Variants in BCAS3 observed in about 807,000 individuals in gnomAD.
BCAS3 encodes BCAS3 microtubule associated cell migration factor, also known as BCAS4/BCAS3 fusion.
In BCAS3, 53 loss-of-function variants were observed where a neutral mutation model predicts 116.1. That is an observed-to-expected ratio of 0.46 (90% confidence interval 0.37 to 0.57). The LOEUF (loss-of-function observed/expected upper bound fraction) is 0.57. BCAS3 is among the 20% of genes least tolerant of loss of function. The probability of loss-of-function intolerance (pLI) is 0.00; values close to 1 mark genes in which losing one functional copy is unlikely to be tolerated. For missense variants in BCAS3, 917 were observed against 1,165.4 expected (o/e 0.79, Z 3.10); for synonymous variants, 391 against 408.2 (o/e 0.96, Z 0.51).
chr17:61,069,493 T>C (rs923790240), intron 19 of BCAS3, among the ~76,000 whole-genome samples: 1 of 152,166 alleles, frequency 6.6e-6, no homozygotes, highest in African/African-American at 2.4e-5. Context: ...TTTGGGACTT[T>C]TAAAACAAAA....
Position 61,084,632 on chromosome 17 carries a change from T to C in BCAS3, c.2425+68T>C, listed in dbSNP as rs140152189. Reference sequence around the variant, plus strand: ...ATTTTTAACTAATTTTCTCGCACAATGTAGAGGATGACATTTATTTGCTTT... The same window carrying C: ...ATTTTTAACTAATTTTCTCGCACAACGTAGAGGATGACATTTATTTGCTTT... On this transcript the variant is annotated intron_variant, in intron 22 of 23. Coordinates refer to ENST00000407086, the MANE Select transcript of BCAS3 (RefSeq NM_017679.5). The surrounding 1 kb of genome is among the most constrained non-coding windows in gnomAD (Gnocchi z 5.5). 5.5e-4 allele frequency: 697 copies of C among 1,274,236 alleles called. 5 individuals carry two copies. In the African/African-American group the frequency reaches 9.0e-3, roughly 16 times the overall value. 78.9% of individuals were successfully genotyped at this position (1,274,236 alleles called of 1,614,324 possible). A position where few individuals can be genotyped will look rare whatever the true frequency, so the allele number is the denominator to read the frequency against.
Position 61,349,605 on chromosome 17 carries a change from G to C in BCAS3, c.2426-18722G>C, listed in dbSNP as rs2057710937. Reference sequence around the variant, plus strand: ...ATTTTGTGGAATAATGGACCTGACTGTAATCCAACATGTTTTTTAAAGCTA... The same window carrying C: ...ATTTTGTGGAATAATGGACCTGACTCTAATCCAACATGTTTTTTAAAGCTA... On this transcript the variant is annotated intron_variant, in intron 22 of 23. Transcript: ENST00000407086. The surrounding 1 kb of genome is among the most constrained non-coding windows in gnomAD (Gnocchi z 4.7). 6.6e-6 allele frequency among the ~76,000 whole-genome samples: 1 copy of C among 152,154 alleles called. No individual in the cohort carries two copies. The highest frequency in any genetic ancestry group is 6.5e-5 in the Admixed American group (1 of 15,268).
chr17:60,741,464 G>T (rs983532161), intron 5 of BCAS3, among the ~76,000 whole-genome samples: 5 of 152,180 alleles, frequency 3.3e-5, no homozygotes, highest in Non-Finnish European at 7.4e-5. Context: ...TATTCCAAGA[G>T]CTGCTTAATC....
intron 9 of BCAS3, among the ~76,000 whole-genome samples, chr17:60,889,058 G>C (rs1430755884): frequency 6.6e-6 from 1 of 152,192 alleles, no homozygotes; most frequent in African/African-American, 2.4e-5. Context: ...GTTGGAGGAA[G>C]ATAGAAAATA....
rs2064889418 is a variant in BCAS3, at chr17:61,008,688, CAAAAAATAAAAAATA to C, written c.1487-7049_1487-7035del. 6.7e-6 allele frequency among the ~76,000 whole-genome samples: 1 copy of C among 148,324 alleles called. No homozygotes were observed. The highest frequency in any genetic ancestry group is 2.2e-4 in the South Asian group (1 of 4,638). On this transcript the variant is annotated intron_variant, in intron 15 of 23. Transcript: ENST00000407086. This position sits in a 1 kb window ranked among gnomAD's most constrained non-coding sequence, Gnocchi z 4.6. ...TCTTCTGTAGAAGACAAAAGTTTACCAAAAAATAAAAAATAAAAAAATAAAAAAAAAGGCCCCGTA... is the reference window on the plus strand; with the variant it reads ...TCTTCTGTAGAAGACAAAAGTTTACCAAAAAATAAAAAAAAAGGCCCCGTA...
intron 10 of BCAS3, among the ~76,000 whole-genome samples, chr17:60,896,319 C>CAATA (rs1343547215): frequency 6.6e-6 from 1 of 152,142 alleles, no homozygotes; most frequent in Non-Finnish European, 1.5e-5. Context: ...GACTCAGTCT[C>CAATA]AATAAATAAA....
chr17:61,106,121 C>T lies in BCAS3; in HGVS notation c.2425+21557C>T, dbSNP rs546059935. 1.3e-5 allele frequency among the ~76,000 whole-genome samples: 2 copies of T among 152,232 alleles called. No homozygotes were observed. The highest frequency in any genetic ancestry group is 3.9e-4 in the East Asian group (2 of 5,180). Reference sequence around the variant, plus strand: ...CCCAAAGCACAAGGGTTGATGCTGGCATATTGTTATAATTGTTCTATTTTA... The same window carrying T: ...CCCAAAGCACAAGGGTTGATGCTGGTATATTGTTATAATTGTTCTATTTTA... On this transcript the variant is annotated intron_variant, in intron 22 of 23. Coordinates refer to ENST00000407086, the MANE Select transcript of BCAS3 (RefSeq NM_017679.5). This position sits in a 1 kb window ranked among gnomAD's most constrained non-coding sequence, Gnocchi z 4.2.
chr17:60,935,086 C>A (rs2059849519), intron 13 of BCAS3, among the ~76,000 whole-genome samples: 1 of 152,048 alleles, frequency 6.6e-6, no homozygotes. Context: ...ATTGTTTGAA[C>A]CCAGGAGGTA....
intron 20 of BCAS3, among the ~76,000 whole-genome samples, chr17:61,075,557 C>A (rs2071897083): frequency 6.6e-6 from 1 of 152,154 alleles, no homozygotes. Context: ...TCAAGCAATC[C>A]ACCCTTCTTG....
intron 22 of BCAS3, among the ~76,000 whole-genome samples, chr17:61,085,726 T>C (rs980346646): frequency 4.7e-4 from 72 of 152,174 alleles, no homozygotes; most frequent in Non-Finnish European, 1.8e-4. Context: ...CATGGAAATG[T>C]GTAGAGTCGC....
intron 7 of BCAS3, among the ~76,000 whole-genome samples, chr17:60,829,456 T>C (rs1163842082): frequency 6.7e-6 from 1 of 149,380 alleles, no homozygotes; most frequent in Non-Finnish European, 1.5e-5. Context: ...ATCACGCCAC[T>C]GCACTCCAGC....
At chr17:61,338,431 G>T (rs1423781958) in intron 22 of BCAS3, among the ~76,000 whole-genome samples, 1 of 149,060 alleles carries the variant, frequency 6.7e-6, no homozygotes, top group Non-Finnish European at 1.5e-5. Flanking sequence ...AGATTGTGTG[G>T]GTTCTGTGAA....
chr17:61,235,346 G>T lies in BCAS3; in HGVS notation c.2426-132981G>T, dbSNP rs2082958108. ...GACTTGCAGACAGGCAGCCTGGGAA[G>T]ATCTCAAACAAGTAACCTTCAATGA... On this transcript the variant is annotated intron_variant, in intron 22 of 23. Coordinates refer to ENST00000407086, the MANE Select transcript of BCAS3 (RefSeq NM_017679.5). The surrounding 1 kb of genome is among the most constrained non-coding windows in gnomAD (Gnocchi z 5.0). 6.6e-6 allele frequency among the ~76,000 whole-genome samples: 1 copy of T among 152,246 alleles called. No homozygotes were observed. The highest frequency in any genetic ancestry group is 1.5e-5 in the Non-Finnish European group (1 of 68,040).
chr17:60,793,161 G>A (rs1012110228), intron 6 of BCAS3, among the ~76,000 whole-genome samples: 5 of 152,004 alleles, frequency 3.3e-5, no homozygotes, highest in African/African-American at 9.7e-5. Context: ...GCAGTGGCAC[G>A]ATTTCTGCTC....
At chr17:60,851,320 G>A (rs1405509000) in intron 7 of BCAS3, 5 of 321,286 alleles carry the variant, frequency 1.6e-5, no homozygotes, top group South Asian at 2.8e-5. Context: ...GCCCAGCTTC[G>A]CAAAGGCTCT....
rs1300560474 is a variant in BCAS3 at position 61,145,522 on chromosome 17, G to A, written c.2425+60958G>A. Among the ~76,000 whole-genome samples, 1 of 152,114 alleles carries A rather than the reference G, an allele frequency of 6.6e-6. No individual in the cohort carries two copies. Among genetic ancestry groups the A allele is most frequent in the Admixed American group, 6.5e-5 (1 of 15,272 alleles). ...CACTCTACTGAGTACACAGACTTTG[G>A]AGATGAAAAACAGACGGAGAGAGGC... On this transcript the variant is annotated intron_variant, in intron 22 of 23. Transcript: ENST00000407086. The surrounding 1 kb of genome is among the most constrained non-coding windows in gnomAD (Gnocchi z 5.0).
chr17:60,997,325 A>G (rs1460836967), intron 15 of BCAS3, among the ~76,000 whole-genome samples: 1 of 152,156 alleles, frequency 6.6e-6, no homozygotes, highest in Non-Finnish European at 1.5e-5. Flanking sequence ...TGATAAGAAT[A>G]CTTTTGGTGG....
intron 7 of BCAS3, among the ~76,000 whole-genome samples, chr17:60,857,013 G>C (rs577549886): frequency 1.3e-5 from 2 of 152,042 alleles, no homozygotes; most frequent in South Asian, 4.1e-4. Context: ...TCCTTTATGG[G>C]TATGGGTCAA....
At position 60,801,313 on chromosome 17, in the gene BCAS3, A is replaced by G. The variant is rs182196083; in HGVS notation, c.404-6691A>G. On this transcript the variant is annotated intron_variant, in intron 6 of 23. Transcript: ENST00000407086. ...AAATCTCAATTTTCATGTGTCCATG[A>G]TAGTATATACTTTTGTATGCTGATC... 6.2e-4 allele frequency among the ~76,000 whole-genome samples: 95 copies of G among 152,238 alleles called. 1 individual carries two copies. Among genetic ancestry groups the G allele is most frequent in the Middle Eastern group, 6.8e-3 (2 of 294 alleles).
Sources: allele counts gnomAD v4.1 joint callset (sites outside exome capture counted in the v4.1 genomes callset), GRCh38; gene constraint gnomAD v4.1.1; non-coding constraint Gnocchi (gnomAD v3.1); transcripts MANE v1.5; gene names NCBI Gene and HGNC (gene_info 2026-07-23, HGNC 2026-07-21).